FBXO25: variants seen among roughly 807,000 people sequenced by gnomAD.
FBXO25 encodes F-box protein 25, also known as F-box only protein 25.
In FBXO25, 45 loss-of-function variants were observed where a neutral mutation model predicts 51.9. The observed-to-expected ratio is 0.87, with a 90% confidence interval of 0.68 to 1.11. FBXO25 has a LOEUF of 1.11. Ranked by LOEUF, FBXO25 falls within the 50% of genes most tolerant of loss-of-function variation. The pLI is 0.00. For missense variants in FBXO25, 507 were observed against 428.5 expected, an observed-to-expected ratio of 1.18 and a Z score of -1.62; for synonymous variants, 199 against 151.0, an observed-to-expected ratio of 1.32 and a Z score of -2.33.
At chr8:460,552 C>G (rs551644585) in intron 8 of FBXO25, among the ~76,000 whole-genome samples, 10 of 152,108 alleles carry the variant, frequency 6.6e-5, no homozygotes, top group African/African-American at 1.4e-4. Flanking sequence ...TGGACTGGTT[C>G]AAGATAATAT....
At position 413,172 on chromosome 8, in the gene FBXO25, A is replaced by G. The variant is rs752611656; in HGVS notation, c.93A>G (p.Lys31=). 3 of 1,610,656 alleles carry G rather than the reference A, an allele frequency of 1.9e-6. No homozygotes were observed. Among genetic ancestry groups the G allele is most frequent in the East Asian group, 4.5e-5 (2 of 44,672 alleles). ...AGAGATGTGAATCTTGTAGTCAGAA[A>G]CTTGAAAGAGAGAATAACCGTTGTA... The part of the protein sequence containing the change: ...GWKRCESCSQ[K]LERENNRCNI... Residue 31 remains lysine, a synonymous_variant, in exon 2 of 10, where the codon AAA becomes AAG. Coordinates refer to ENST00000350302, the MANE Select transcript of FBXO25 (RefSeq NM_183420.2).
intron 8 of FBXO25, among the ~76,000 whole-genome samples, chr8:459,201 G>T (rs1022724993): frequency 1.3e-5 from 2 of 152,246 alleles, no homozygotes; most frequent in African/African-American, 4.8e-5. Context: ...GCTGGTCGCA[G>T]CCAGAGAAGG....
At position 435,666 on chromosome 8, in the gene FBXO25, A is replaced by G. The variant is rs769150294; in HGVS notation, c.340A>G (p.Ser114Gly). The G allele has an allele frequency of 6.2e-7, 1 of 1,602,036 alleles. No homozygotes were observed. Among genetic ancestry groups the G allele is most frequent in the Non-Finnish European group, 8.5e-7 (1 of 1,177,034 alleles). Residue 114 changes from serine to glycine, a missense_variant, in exon 5 of 10, where the codon AGT becomes GGT. Transcript: ENST00000350302. ...GEAFNRLDFS[S>G]AIQDIRRFNY... ...AGCCTTTAATCGGTTAGACTTCTCA[A>G]GTGCAATTCAAGATATCCGAAGGTT...
chr8:414,949 G>A (rs1333015752), intron 2 of FBXO25, among the ~76,000 whole-genome samples: 1 of 152,190 alleles, frequency 6.6e-6, no homozygotes, highest in Non-Finnish European at 1.5e-5. Context: ...ATCCAAACCT[G>A]TGGGTAGAGG....
chr8:412,440 C>G (rs1216624859), intron 1 of FBXO25, among the ~76,000 whole-genome samples: 6 of 152,208 alleles, frequency 3.9e-5, no homozygotes, highest in African/African-American at 1.4e-4. Flanking sequence ...TCAGAAGCCT[C>G]CAGTCCCAAC....
chr8:409,742 G>A (rs1489348652), intron 1 of FBXO25, among the ~76,000 whole-genome samples: 5 of 151,108 alleles, frequency 3.3e-5, no homozygotes, highest in Admixed American at 6.6e-5. Context: ...TTGCCTAGTT[G>A]TTTTTTTCTG....
chr8:423,470 A>C (rs1400814794), intron 2 of FBXO25, among the ~76,000 whole-genome samples: 1 of 150,780 alleles, frequency 6.6e-6, no homozygotes, highest in Non-Finnish European at 1.5e-5. Flanking sequence ...AGTAGTCCCC[A>C]GTGTCTGTTG....
At chr8:468,206 G>C (rs949533772) in intron 9 of FBXO25, 31 of 1,009,706 alleles carry the variant, frequency 3.1e-5, no homozygotes, top group East Asian at 1.0e-4. Flanking sequence ...AGCTCCCTTG[G>C]AGCAAGCAGG....
At chr8:439,807 C>T (rs1798317005) in intron 5 of FBXO25, among the ~76,000 whole-genome samples, 1 of 152,166 alleles carries the variant, frequency 6.6e-6, no homozygotes, top group South Asian at 2.1e-4. Flanking sequence ...GTGACTCATG[C>T]CTGCAATCCC....
At chr8:428,240 G>A (rs1417987139) in intron 2 of FBXO25, among the ~76,000 whole-genome samples, 1 of 152,020 alleles carries the variant, frequency 6.6e-6, no homozygotes, top group Non-Finnish European at 1.5e-5. Context: ...ATTGCCTTTT[G>A]GGCACATTTG....
chr8:417,554 T>A (rs1311460217), intron 2 of FBXO25, among the ~76,000 whole-genome samples: 6 of 152,198 alleles, frequency 3.9e-5, no homozygotes, highest in Admixed American at 2.6e-4. Flanking sequence ...TTAACTGATA[T>A]AACATCTAAA....
intron 2 of FBXO25, among the ~76,000 whole-genome samples, chr8:427,556 A>G (rs56115318): frequency 0.18 from 22,924 of 124,602 alleles, 1,457 homozygotes; most frequent in African/African-American, 0.31. Flanking sequence ...CCACAAACTC[A>G]GTGGCTTAAA....
chr8:440,481 G>A (rs1263073197), intron 5 of FBXO25, among the ~76,000 whole-genome samples: 2 of 152,196 alleles, frequency 1.3e-5, no homozygotes, highest in Non-Finnish European at 2.9e-5. Flanking sequence ...TGTCCTGACA[G>A]CCGTGAAGAG....
intron 5 of FBXO25, among the ~76,000 whole-genome samples, chr8:442,320 A>G (rs112746310): frequency 1.3e-5 from 2 of 151,924 alleles, no homozygotes; most frequent in African/African-American, 4.8e-5. Flanking sequence ...AAACTCCTTC[A>G]TAAGTTCTAC....
intron 2 of FBXO25, among the ~76,000 whole-genome samples, chr8:420,914 G>T (rs1456134726): frequency 6.6e-6 from 1 of 152,220 alleles, no homozygotes; most frequent in Non-Finnish European, 1.5e-5. Flanking sequence ...CAACATAGAT[G>T]TTTGTGTATG....
intron 2 of FBXO25, among the ~76,000 whole-genome samples, chr8:421,731 G>C (rs560369261): frequency 6.6e-6 from 1 of 152,308 alleles, no homozygotes; most frequent in Admixed American, 6.5e-5. Flanking sequence ...GCCAGCCTGA[G>C]ATGGTGGATC....
At position 473,796 on chromosome 8, in the gene FBXO25, A is replaced by G. The variant is rs747528809; in HGVS notation, c.*4992A>G. ...GACATCTGTGTCAAATAGAAGAGAC[A>G]CCTCAACTGTCTCGTTTTTGCATGG... is the stretch of plus-strand genomic sequence containing the variant. On this transcript the variant is annotated 3_prime_UTR_variant, in exon 10 of 10. Transcript: ENST00000350302. The G allele has an allele frequency of 6.6e-6, 1 of 152,136 alleles. No individual in the cohort carries two copies. The highest frequency in any genetic ancestry group is 1.5e-5 in the Non-Finnish European group (1 of 68,034). The allele number at this position is 152,136 out of a possible 1,614,324, so 9.4% of individuals were successfully genotyped here. A position where few individuals can be genotyped will look rare whatever the true frequency, so the allele number is the denominator to read the frequency against.
intron 5 of FBXO25, among the ~76,000 whole-genome samples, chr8:439,657 G>C (rs868544308): frequency 6.6e-6 from 1 of 152,156 alleles, no homozygotes; most frequent in Admixed American, 6.5e-5. Flanking sequence ...AAAAGTTTCT[G>C]TGTCCCTGGG....
At chr8:439,702 T>C (rs1798310429) in intron 5 of FBXO25, among the ~76,000 whole-genome samples, 1 of 152,198 alleles carries the variant, frequency 6.6e-6, no homozygotes, top group Non-Finnish European at 1.5e-5. Flanking sequence ...CCCAGTCCTG[T>C]TTCCTTTAGC....
Sources: allele counts gnomAD v4.1 joint callset (sites outside exome capture counted in the v4.1 genomes callset), GRCh38; gene constraint gnomAD v4.1.1; transcripts MANE v1.5; gene names NCBI Gene and HGNC (gene_info 2026-07-23, HGNC 2026-07-21).